Variants in ZZZ3 observed in about 807,000 individuals in gnomAD.
ZZZ3 encodes zinc finger ZZ-type containing 3, also known as ZZ-type zinc finger-containing protein 3.
In ZZZ3, 22 loss-of-function variants were observed where a neutral mutation model predicts 95.2. That is an observed-to-expected ratio of 0.23 (90% CI 0.17 to 0.33). The LOEUF (loss-of-function observed/expected upper bound fraction) is 0.33. Ranked by LOEUF, ZZZ3 falls within the 10% of genes least tolerant of loss-of-function variation. The probability of loss-of-function intolerance (pLI) is 1.00; values close to 1 mark genes in which losing one functional copy is unlikely to be tolerated. For missense variants in ZZZ3, 885 were observed against 1,066.5 expected, an observed-to-expected ratio of 0.83 and a Z score of 2.37; for synonymous variants, 335 against 358.9, an observed-to-expected ratio of 0.93 and a Z score of 0.75.
chr1:77,650,070 A>G (rs1669664997), intron 1 of ZZZ3, among the ~76,000 whole-genome samples: 1 of 152,202 alleles, frequency 6.6e-6, no homozygotes, highest in African/African-American at 2.4e-5. Context: ...ATGCTAAGAT[A>G]AATTAAGATG....
chr1:77,617,042 A>G (rs1359300058), intron 5 of ZZZ3, among the ~76,000 whole-genome samples: 1 of 152,120 alleles, frequency 6.6e-6, no homozygotes, highest in Non-Finnish European at 1.5e-5. Flanking sequence ...AAAACCTCTA[A>G]GTAGTATTTT....
chr1:77,673,296 G>A (rs541759692), intron 1 of ZZZ3, among the ~76,000 whole-genome samples: 1 of 152,272 alleles, frequency 6.6e-6, no homozygotes, highest in East Asian at 1.9e-4. Context: ...GAACTCCTGA[G>A]AAGAAAGTTG....
At chr1:77,619,977 T>C (rs1201073406) in intron 5 of ZZZ3, among the ~76,000 whole-genome samples, 1 of 152,142 alleles carries the variant, frequency 6.6e-6, no homozygotes, top group African/African-American at 2.4e-5. Flanking sequence ...CACCGATACA[T>C]CAACCAACCA....
chr1:77,664,566 A>C (rs1031170953), intron 1 of ZZZ3, among the ~76,000 whole-genome samples: 28 of 152,268 alleles, frequency 1.8e-4, no homozygotes, highest in Non-Finnish European at 2.9e-5. Context: ...AATTTTTTCT[A>C]TCTGAATTCC....
intron 5 of ZZZ3, among the ~76,000 whole-genome samples, chr1:77,588,672 C>T (rs940883343): frequency 6.6e-6 from 1 of 152,032 alleles, no homozygotes; most frequent in Non-Finnish European, 1.5e-5. Context: ...CCTACTTTTA[C>T]TTTTGCTACT....
At chr1:77,601,342 A>C (rs1372490116) in intron 5 of ZZZ3, among the ~76,000 whole-genome samples, 1 of 152,198 alleles carries the variant, frequency 6.6e-6, no homozygotes, top group East Asian at 1.9e-4. Flanking sequence ...TGGAGTGATG[A>C]GGGTCAAACC....
intron 4 of ZZZ3, 91 bp downstream of exon 4, chr1:77,639,358 G>T: frequency 1.8e-6 from 2 of 1,092,096 alleles, no homozygotes; most frequent in Non-Finnish European, 2.5e-6. Flanking sequence ...AGGATGTATG[G>T]AAAAATAACA....
At chr1:77,580,252 T>C (rs1289881709) in intron 9 of ZZZ3, 1 of 152,200 alleles carries the variant, frequency 6.6e-6, no homozygotes, top group Non-Finnish European at 1.5e-5. Context: ...GACAAAGATG[T>C]GCCTCAAACT....
chr1:77,568,299 A>T (rs753135478), intron 13 of ZZZ3, 33 bp downstream of exon 13: 2 of 155,740 alleles, frequency 1.3e-5, no homozygotes, highest in South Asian at 9.9e-5. Flanking sequence ...AATAAATAAA[A>T]TGAAATGAAT....
At chr1:77,573,584 C>T (rs1010306499) in intron 12 of ZZZ3, among the ~76,000 whole-genome samples, 1 of 152,158 alleles carries the variant, frequency 6.6e-6, no homozygotes, top group Admixed American at 6.5e-5. Flanking sequence ...AAATATTTCT[C>T]AGATGTACAA....
intron 4 of ZZZ3, among the ~76,000 whole-genome samples, chr1:77,636,277 T>C (rs2100871423): frequency 6.6e-6 from 1 of 152,340 alleles, no homozygotes; most frequent in East Asian, 1.9e-4. Context: ...TTCCTTAACC[T>C]TTTCTTTCCA....
At chr1:77,660,523 G>A (rs1445126392) in intron 1 of ZZZ3, among the ~76,000 whole-genome samples, 1 of 152,096 alleles carries the variant, frequency 6.6e-6, no homozygotes, top group African/African-American at 2.4e-5. Context: ...TGTCCTCAAG[G>A]TTCATCCATG....
At chr1:77,642,860 C>A (rs1668910251) in intron 1 of ZZZ3, among the ~76,000 whole-genome samples, 1 of 152,160 alleles carries the variant, frequency 6.6e-6, no homozygotes. Flanking sequence ...TGAGAAGTTT[C>A]ATTAACAATA....
intron 1 of ZZZ3, among the ~76,000 whole-genome samples, chr1:77,672,277 A>G (rs2101061173): frequency 6.6e-6 from 1 of 152,306 alleles, no homozygotes; most frequent in South Asian, 2.1e-4. Context: ...GATGGTTGTC[A>G]AACTTTAGCA....
chr1:77,574,156 TTATATATAGA>T (rs1190572338), intron 12 of ZZZ3, among the ~76,000 whole-genome samples: 2 of 148,024 alleles, frequency 1.4e-5, no homozygotes, highest in Admixed American at 6.8e-5. Flanking sequence ...ATATATAGAT[TTATATATAGA>T]TATATATAGA....
chr1:77,605,838 G>A (rs983888685), intron 5 of ZZZ3, among the ~76,000 whole-genome samples: 1 of 152,130 alleles, frequency 6.6e-6, no homozygotes, highest in African/African-American at 2.4e-5. Flanking sequence ...GCAGTGACAC[G>A]CAGGTAGTAC....
At chr1:77,603,577 T>C (rs1250184804) in intron 5 of ZZZ3, among the ~76,000 whole-genome samples, 2 of 152,198 alleles carry the variant, frequency 1.3e-5, no homozygotes, top group Non-Finnish European at 2.9e-5. Flanking sequence ...CTAGATTATG[T>C]GCATGAATAT....
chr1:77,638,516 G>A (rs971174664), intron 4 of ZZZ3, among the ~76,000 whole-genome samples: 1 of 152,104 alleles, frequency 6.6e-6, no homozygotes, highest in Non-Finnish European at 1.5e-5. Flanking sequence ...TTAAGAGAAA[G>A]AAATTTCAAA....
At chr1:77,580,866 T>TC in intron 9 of ZZZ3, 132 bp downstream of exon 9, 1 of 712,464 alleles carries the variant, frequency 1.4e-6, no homozygotes, top group South Asian at 1.8e-5. Flanking sequence ...CTTCAAGTGA[T>TC]CCACCCATAT....
Sources: gnomAD v4.1 joint callset for allele counts (sites outside exome capture counted in the v4.1 genomes callset) on GRCh38, gnomAD v4.1.1 for gene constraint, MANE v1.5 for transcripts, NCBI Gene and HGNC (gene_info 2026-07-23, HGNC 2026-07-21) for gene names.